Variants in PLCL1 observed in about 807,000 individuals in gnomAD.
PLCL1 encodes the protein inactive phospholipase C-like protein 1.
In PLCL1, 41 loss-of-function variants were observed where a neutral mutation model predicts 84.4. The observed-to-expected ratio is 0.49, with a 90% CI of 0.38 to 0.63. The LOEUF (loss-of-function observed/expected upper bound fraction) is 0.63. PLCL1 is among the 30% of genes least tolerant of loss of function. PLCL1 has a pLI of 0.00. For missense variants in PLCL1, 1,206 were observed against 1,367.8 expected (o/e 0.88, Z 1.87); for synonymous variants, 490 against 488.3 (o/e 1.00, Z -0.05).
intron 1 of PLCL1, among the ~76,000 whole-genome samples, chr2:197,897,889 G>A (rs183720018): frequency 6.6e-5 from 10 of 152,166 alleles, no homozygotes; most frequent in African/African-American, 2.4e-4. Flanking sequence ...ACTGATTTTT[G>A]TTATGTCAGA....
intron 1 of PLCL1, among the ~76,000 whole-genome samples, chr2:197,983,200 C>CTTTTTTTTTTTTTT (rs760577848): frequency 2.5e-4 from 15 of 60,286 alleles, no homozygotes; most frequent in Admixed American, 2.5e-4. Context: ...CTTTTCTTTT[C>CTTTTTTTTTTTTTT]TTTTTTTTTT....
At chr2:198,098,237 A>C (rs970309861) in intron 3 of PLCL1, among the ~76,000 whole-genome samples, 1 of 152,204 alleles carries the variant, frequency 6.6e-6, no homozygotes, top group African/African-American at 2.4e-5. Context: ...ACATTTTCTC[A>C]AGCAATAGCT....
At chr2:197,995,363 T>C (rs1690436012) in intron 1 of PLCL1, among the ~76,000 whole-genome samples, 1 of 152,110 alleles carries the variant, frequency 6.6e-6, no homozygotes, top group African/African-American at 2.4e-5. Flanking sequence ...GTTCCAGGTG[T>C]TGGAGAATCT....
At chr2:198,101,430 A>T in intron 4 of PLCL1, 70 bp downstream of exon 4, 1 of 860,902 alleles carries the variant, frequency 1.2e-6, no homozygotes. Flanking sequence ...AATTCTTGGT[A>T]GATTTTTTTT....
chr2:197,964,027 G>A (rs964180623), intron 1 of PLCL1, among the ~76,000 whole-genome samples: 6 of 151,944 alleles, frequency 3.9e-5, no homozygotes, highest in African/African-American at 7.2e-5. Flanking sequence ...ACTTGAAGTC[G>A]GATAATGTAA....
Position 198,089,035 on chromosome 2 carries a change from A to G in PLCL1, c.2893A>G (p.Lys965Glu). The change falls in exon 3 of 6, where the codon AAA (lysine) becomes GAA (glutamate). Residue 965 changes from lysine (K) to glutamate (E), a missense_variant. Transcript: ENST00000428675. ...TCTGGGTGCAATTCCAGATGTGCAG[A>G]AAAAGATGCTGACTGCTTATGATCT... ...EPLGAIPDVQKKMLTAYDLMI... is the reference protein window; with the variant it reads ...EPLGAIPDVQEKMLTAYDLMI... 1 of 1,613,796 alleles carries G rather than the reference A, an allele frequency of 6.2e-7. No homozygotes were observed. The highest frequency in any genetic ancestry group is 1.1e-5 in the South Asian group (1 of 91,088).
chr2:197,832,224 T>C (rs1489713160), intron 1 of PLCL1, among the ~76,000 whole-genome samples: 1 of 152,122 alleles, frequency 6.6e-6, no homozygotes, highest in Non-Finnish European at 1.5e-5. Flanking sequence ...GAACTGTTTT[T>C]TTGAAAAGAT....
chr2:198,059,975 A>C (rs955770659), intron 1 of PLCL1, among the ~76,000 whole-genome samples: 8 of 152,170 alleles, frequency 5.3e-5, no homozygotes, highest in African/African-American at 1.4e-4. Context: ...ATCTGGCTGC[A>C]TGAGGTTATC....
chr2:198,011,647 C>G (rs1690870488), intron 1 of PLCL1, among the ~76,000 whole-genome samples: 1 of 151,868 alleles, frequency 6.6e-6, no homozygotes, highest in Non-Finnish European at 1.5e-5. Context: ...TTGTTCAGGT[C>G]CTCTTGTTTC....
At chr2:198,064,719 A>G (rs1046724181) in intron 1 of PLCL1, among the ~76,000 whole-genome samples, 1 of 152,144 alleles carries the variant, frequency 6.6e-6, no homozygotes, top group African/African-American at 2.4e-5. Flanking sequence ...GTTTTGTGGA[A>G]CTTTGCCAAA....
At chr2:197,814,802 C>T (rs889445146) in intron 1 of PLCL1, among the ~76,000 whole-genome samples, 3 of 152,064 alleles carry the variant, frequency 2.0e-5, no homozygotes, top group Non-Finnish European at 2.9e-5. Context: ...AAAGTTTTAG[C>T]GATCTGGATG....
chr2:197,856,914 C>G (rs1194449961), intron 1 of PLCL1, among the ~76,000 whole-genome samples: 1 of 151,542 alleles, frequency 6.6e-6, no homozygotes, highest in Non-Finnish European at 1.5e-5. Flanking sequence ...GAAGTTTTTT[C>G]AAAGTGGTCT....
intron 1 of PLCL1, among the ~76,000 whole-genome samples, chr2:197,973,528 G>A (rs890962630): frequency 6.6e-6 from 1 of 152,116 alleles, no homozygotes; most frequent in Non-Finnish European, 1.5e-5. Flanking sequence ...AGAATGACTA[G>A]GTACTAATTA....
chr2:197,826,011 T>C (rs1055177614), intron 1 of PLCL1, among the ~76,000 whole-genome samples: 1 of 152,204 alleles, frequency 6.6e-6, no homozygotes, highest in African/African-American at 2.4e-5. Flanking sequence ...GGTAATTCAC[T>C]ACATAATTTT....
intron 1 of PLCL1, among the ~76,000 whole-genome samples, chr2:197,923,146 A>C (rs1328092457): frequency 1.6e-5 from 2 of 122,932 alleles, no homozygotes; most frequent in Admixed American, 8.0e-5. Context: ...ACTTCCCAGT[A>C]GGGGCGGCCG....
intron 1 of PLCL1, among the ~76,000 whole-genome samples, chr2:197,905,238 C>T (rs557208693): frequency 6.6e-4 from 101 of 152,222 alleles, no homozygotes; most frequent in Non-Finnish European, 1.3e-3. Flanking sequence ...TAATGCTATC[C>T]CTCCCCTAGC....
chr2:198,082,368 C>T (rs1351102915), intron 1 of PLCL1, among the ~76,000 whole-genome samples: 1 of 152,016 alleles, frequency 6.6e-6, no homozygotes, highest in Middle Eastern at 3.4e-3. Flanking sequence ...CGCTTGAACT[C>T]GGGAGGCGGA....
chr2:198,134,707 A>G (rs564797745), intron 5 of PLCL1, among the ~76,000 whole-genome samples: 4 of 152,326 alleles, frequency 2.6e-5, no homozygotes, highest in African/African-American at 9.6e-5. Flanking sequence ...ATGTAGTACA[A>G]CTGTCATTGG....
chr2:198,127,939 T>A (rs981087447), intron 5 of PLCL1, among the ~76,000 whole-genome samples: 1 of 152,164 alleles, frequency 6.6e-6, no homozygotes, highest in Non-Finnish European at 1.5e-5. Context: ...TATAAATTTA[T>A]GTACTTTTTA....
Sources: gnomAD v4.1 joint callset for allele counts (sites outside exome capture counted in the v4.1 genomes callset) on GRCh38, gnomAD v4.1.1 for gene constraint, MANE v1.5 for transcripts, NCBI Gene and HGNC (gene_info 2026-07-23, HGNC 2026-07-21) for gene names.